The following PCSK1 variants were observed in gnomAD, a reference collection of about 807,000 sequenced individuals.
The protein encoded by PCSK1 is proprotein convertase subtilisin/kexin type 1, also known as neuroendocrine convertase 1.
PCSK1 carries 56 observed loss-of-function variants against 90.6 expected under a neutral mutation model. That is an observed-to-expected ratio of 0.62 (90% CI 0.50 to 0.77). PCSK1 has a LOEUF of 0.77. Ranked by LOEUF, PCSK1 falls within the 30% of genes least tolerant of loss-of-function variation. PCSK1 has a pLI of 0.00. For synonymous variants in PCSK1, 348 were observed against 342.4 expected (o/e 1.02, Z -0.18); for missense variants, 801 against 932.6 (o/e 0.86, Z 1.84).
intron 12 of PCSK1, among the ~76,000 whole-genome samples, chr5:96,395,262 T>C (rs561318728): frequency 1.3e-5 from 2 of 152,374 alleles, no homozygotes; most frequent in African/African-American, 2.4e-5. Context: ...GAAATCTCTA[T>C]GTAAGTCTTC....
In PCSK1 at chr5:96,429,284, G is replaced by A. The variant is rs1206696074; in HGVS notation, c.214C>T (p.His72Tyr). 3 of 1,593,032 alleles carry A rather than the reference G, an allele frequency of 1.9e-6. No individual in the cohort carries two copies. The highest frequency in any genetic ancestry group is 2.7e-5 in the African/African-American group (2 of 74,480). Residue 72 changes from histidine to tyrosine, a missense_variant, in exon 2 of 14, where the codon CAT (histidine) becomes TAT (tyrosine). Transcript: ENST00000311106. ...CGAGACCTTCTGGGGTGGTTTTTAT[G>A]TTTGAATAAGTAGTGATTTTCAAGT... is the stretch of plus-strand genomic sequence containing the variant. Reference protein sequence around the residue: ...GSLENHYLFKHKNHPRRSRRS... With the variant: ...GSLENHYLFKYKNHPRRSRRS...
At chr5:96,412,752 G>GTT (rs57397343) in intron 6 of PCSK1, among the ~76,000 whole-genome samples, 1,786 of 71,536 alleles carry the variant, frequency 0.025, 48 homozygotes, top group East Asian at 0.034. Context: ...CAGCTGTGAT[G>GTT]TTTTTTTTTT....
intron 12 of PCSK1, 32 bp downstream of exon 12, chr5:96,397,304 T>TTGTG (rs1454947552): frequency 1.2e-6 from 2 of 1,600,698 alleles, no homozygotes; most frequent in African/African-American, 2.7e-5. Flanking sequence ...AAAAGTAAGC[T>TTGTG]TGTGTTTTTT....
rs186268573 is a variant in PCSK1, at chr5:96,419,824, C to A, written c.620+2056G>T. Among the ~76,000 whole-genome samples the A allele has an allele frequency of 3.3e-5, 5 of 152,138 alleles. No homozygotes were observed. The East Asian group carries it at 7.7e-4, about 23-fold the overall frequency. ...ATATATAAAACAACTATTATAAATG[C>A]TGTGCTGTGAGATCCCCTTTGTTTT... On this transcript the variant is annotated intron_variant, in intron 5 of 13. Transcript: ENST00000311106.
chr5:96,401,696 C>T (rs1760381216), intron 9 of PCSK1, among the ~76,000 whole-genome samples: 1 of 152,128 alleles, frequency 6.6e-6, no homozygotes, highest in African/African-American at 2.4e-5. Context: ...TTCCATTGCA[C>T]TTATAGGCTT....
intron 6 of PCSK1, among the ~76,000 whole-genome samples, chr5:96,414,729 C>A (rs940582059): frequency 2.0e-5 from 3 of 152,186 alleles, no homozygotes; most frequent in African/African-American, 7.2e-5. Flanking sequence ...GATTCTTTCA[C>A]AAACTATAGC....
chr5:96,409,567 C>T (rs1760685959), intron 8 of PCSK1, among the ~76,000 whole-genome samples: 1 of 152,196 alleles, frequency 6.6e-6, no homozygotes. Context: ...GAAAATCTTT[C>T]TTCTGCTTCA....
Position 96,425,728 on chromosome 5 carries a change from TAA to T in PCSK1, c.396+90_396+91del, listed in dbSNP as rs11310306. 0.091 allele frequency: 55,506 copies of T among 606,956 alleles called. 130 individuals carry two copies. Among genetic ancestry groups the T allele is most frequent in the South Asian group, 0.15 (7,767 of 50,732 alleles). 37.6% of individuals were successfully genotyped at this position (606,956 alleles called of 1,614,324 possible). ...TAGCTCCCTATGAAATTCTCCATCA[TAA>T]AAAAAAAAAAAAATCCATGTTGCAA... On this transcript the variant is annotated intron_variant, in intron 3 of 13. Coordinates refer to ENST00000311106, the MANE Select transcript of PCSK1 (RefSeq NM_000439.5).
At position 96,399,938 on chromosome 5, in the gene PCSK1, C is replaced by T; in HGVS notation, c.1430+15G>A. ...CATGGGCACACATGTGTTTAAAATT[C>T]CAGGAGATACTTACCTGGGCTCAAA... On this transcript the variant is annotated intron_variant, in intron 10 of 13. Transcript: ENST00000311106. The T allele has an allele frequency of 1.3e-6, 2 of 1,588,156 alleles. No individual in the cohort carries two copies. The highest frequency in any genetic ancestry group is 1.7e-6 in the Non-Finnish European group (2 of 1,156,580).
Position 96,409,809 on chromosome 5 carries a change from C to T in PCSK1, c.1095+965G>A, listed in dbSNP as rs17085707. ...TATTACTTGAGTAGCTGAAGAGATGCGCGTGAGAAGCAGGCCCACACTTCT... is the reference window on the plus strand; with the variant it reads ...TATTACTTGAGTAGCTGAAGAGATGTGCGTGAGAAGCAGGCCCACACTTCT... On this transcript the variant is annotated intron_variant, in intron 8 of 13. Coordinates refer to ENST00000311106, the MANE Select transcript of PCSK1 (RefSeq NM_000439.5). Among the ~76,000 whole-genome samples, 860 of 152,296 alleles carry T rather than the reference C, an allele frequency of 5.6e-3. 9 individuals are homozygous for T. Among genetic ancestry groups the T allele is most frequent in the African/African-American group, 0.02 (817 of 41,554 alleles).
rs554192613 is a variant in PCSK1, at chr5:96,390,896, C to G, written c.*2105G>C. On this transcript the variant is annotated 3_prime_UTR_variant, in exon 14 of 14. Transcript: ENST00000311106. ...CTTCTTGAGAGTGAACCTTTGGCTACAACCCAATGAGTTGGCTGGGGTTTT... is the reference window on the plus strand; with the variant it reads ...CTTCTTGAGAGTGAACCTTTGGCTAGAACCCAATGAGTTGGCTGGGGTTTT... 6.6e-6 allele frequency: 1 copy of G among 152,660 alleles called. No individual in the cohort carries two copies. The highest frequency in any genetic ancestry group is 1.5e-5 in the Non-Finnish European group (1 of 68,006). 9.5% of individuals were successfully genotyped at this position (152,660 alleles called of 1,614,324 possible).
At position 96,398,952 on chromosome 5, in the gene PCSK1, C is replaced by T. The variant is rs759976650; in HGVS notation, c.1515G>A (p.Glu505=). Residue 505 remains glutamate, a synonymous_variant, in exon 11 of 14, where the codon GAG becomes GAA. Coordinates refer to ENST00000311106, the MANE Select transcript of PCSK1 (RefSeq NM_000439.5). ...CAATTGTTGCTTCAAATTGTACATGCTCCAGGGACTTGATAGCATTTTCTT... is the reference window on the plus strand; with the variant it reads ...CAATTGTTGCTTCAAATTGTACATGTTCCAGGGACTTGATAGCATTTTCTT... ...EGQENAIKSL[E]HVQFEATIEY... 1.2e-6 allele frequency: 2 copies of T among 1,612,412 alleles called. No homozygotes were observed. The highest frequency in any genetic ancestry group is 1.7e-6 in the Non-Finnish European group (2 of 1,178,488).
intron 3 of PCSK1, among the ~76,000 whole-genome samples, chr5:96,425,245 G>C (rs1448757897): frequency 6.6e-6 from 1 of 152,120 alleles, no homozygotes; most frequent in Non-Finnish European, 1.5e-5. Flanking sequence ...ACAGAAGAGA[G>C]GACACCCTGC....
At chr5:96,407,541 A>G (rs1378885124) in intron 9 of PCSK1, among the ~76,000 whole-genome samples, 1 of 152,234 alleles carries the variant, frequency 6.6e-6, no homozygotes, top group Non-Finnish European at 1.5e-5. Flanking sequence ...TTGTCAATAT[A>G]TATAAAAATC....
chr5:96,398,919 G>A lies in PCSK1; in HGVS notation c.1548C>T (p.Ser516=). The A allele has an allele frequency of 1.9e-6, 3 of 1,613,464 alleles. No individual in the cohort carries two copies. The highest frequency in any genetic ancestry group is 2.5e-6 in the Non-Finnish European group (3 of 1,179,484). ...GTGTGACATGAAGGTCTCCTCTTCG[G>A]GAATATTCAATTGTTGCTTCAAATT... is the stretch of plus-strand genomic sequence containing the variant. The part of the protein sequence containing the change: ...HVQFEATIEY[S]RRGDLHVTLT... The change falls in exon 11 of 14, where the codon TCC becomes TCT. Residue 516 remains serine, a synonymous_variant. Coordinates refer to ENST00000311106, the MANE Select transcript of PCSK1 (RefSeq NM_000439.5).
intron 1 of PCSK1, among the ~76,000 whole-genome samples, chr5:96,431,138 T>G (rs1252137795): frequency 1.3e-5 from 2 of 152,214 alleles, no homozygotes; most frequent in Non-Finnish European, 2.9e-5. Flanking sequence ...ATTTGTATGA[T>G]GTCCACAGTA....
chr5:96,413,037 G>T, intron 6 of PCSK1: 1 of 787,258 alleles, frequency 1.3e-6, no homozygotes, highest in Non-Finnish European at 1.5e-6. Context: ...GAAACATGTA[G>T]CTTCAAAAGA....
chr5:96,412,891 C>T lies in PCSK1; in HGVS notation c.710-401G>A. 1.5e-5 allele frequency: 3 copies of T among 205,152 alleles called. 1 individual carries two copies. The highest frequency in any genetic ancestry group is 2.8e-5 in the Non-Finnish European group (3 of 106,882). The allele number at this position is 205,152 out of a possible 1,614,324, so 12.7% of individuals were successfully genotyped here. ...TTGTTGTCAATTACAAAATGTTTGC[C>T]CTCCCTCCCACCCCAACTAAATGAC... On this transcript the variant is annotated intron_variant, in intron 6 of 13. Coordinates refer to ENST00000311106, the MANE Select transcript of PCSK1 (RefSeq NM_000439.5).
chr5:96,416,756 A>G (rs1270397450), intron 5 of PCSK1, among the ~76,000 whole-genome samples: 1 of 152,210 alleles, frequency 6.6e-6, no homozygotes, highest in Admixed American at 6.5e-5. Flanking sequence ...ATGCTCCTGA[A>G]ATCCCAACTG....
Sources: gnomAD v4.1 joint callset for allele counts (sites outside exome capture counted in the v4.1 genomes callset) on GRCh38, gnomAD v4.1.1 for gene constraint, MANE v1.5 for transcripts, NCBI Gene and HGNC (gene_info 2026-07-23, HGNC 2026-07-21) for gene names.